TTBK1: variants seen among roughly 807,000 people sequenced by gnomAD.
TTBK1 encodes the protein tau tubulin kinase 1.
A neutral mutation model predicts 108.5 loss-of-function variants in TTBK1; 34 were observed. That is an observed-to-expected ratio of 0.31 (90% CI 0.24 to 0.42). TTBK1 has a LOEUF of 0.42. Among genes scored for constraint, TTBK1 ranks in the 10% least tolerant of loss-of-function variants. The probability of loss-of-function intolerance (pLI) is 1.00; values close to 1 mark genes in which losing one functional copy is unlikely to be tolerated. For missense variants in TTBK1, 1,539 were observed against 1,826.0 expected (o/e 0.84, Z 2.86); for synonymous variants, 809 against 795.1 (o/e 1.02, Z -0.29).
Position 43,265,529 on chromosome 6 carries a change from G to A in TTBK1, c.1986+2179G>A, listed in dbSNP as rs1777653884. On this transcript the variant is annotated intron_variant, in intron 13 of 14. Coordinates refer to ENST00000259750, the MANE Select transcript of TTBK1 (RefSeq NM_032538.3). This position sits in a 1 kb window ranked among gnomAD's most constrained non-coding sequence, Gnocchi z 4.1. ...CAGCCCTGGCAGACCTGGCAGTCAA[G>A]TGGGCTGGCACCATTGCGTTGTAAC... Among the ~76,000 whole-genome samples the A allele has an allele frequency of 6.6e-6, 1 of 152,230 alleles. No homozygotes were observed. The highest frequency in any genetic ancestry group is 2.1e-4 in the South Asian group (1 of 4,836).
At chr6:43,255,239 A>G in intron 7 of TTBK1, 125 bp downstream of exon 7, 2 of 902,364 alleles carry the variant, frequency 2.2e-6, no homozygotes, top group South Asian at 1.4e-5. Context: ...CACCCCAGAG[A>G]CCCTGGGCTG....
In TTBK1 at chr6:43,283,889, C is replaced by T. The variant is rs946548625; in HGVS notation, c.3149C>T (p.Ser1050Phe). ...CCCAGACGCCATGCTATGCCAGGCT[C>T]TCGCCCCAGGAGCCGTATCCCTGTC... ...ISPRRHAMPG[S>F]RPRSRIPVLL... The change falls in exon 14 of 15, where the codon TCT (serine) becomes TTT (phenylalanine). Residue 1050 changes from serine (S) to phenylalanine (F), a missense_variant. By Grantham distance (155) the Ser-to-Phe change is radical (BLOSUM62 -2). Coordinates refer to ENST00000259750, the MANE Select transcript of TTBK1 (RefSeq NM_032538.3). This position sits in a 1 kb window ranked among gnomAD's most constrained non-coding sequence, Gnocchi z 8.1. 2 of 1,611,612 alleles carry T rather than the reference C, an allele frequency of 1.2e-6. No homozygotes were observed. Among genetic ancestry groups the T allele is most frequent in the Non-Finnish European group, 1.7e-6 (2 of 1,178,514 alleles).
chr6:43,271,967 AG>A (rs1777846724), intron 13 of TTBK1: 1 of 979,120 alleles, frequency 1.0e-6, no homozygotes, highest in South Asian at 4.7e-5. Context: ...CACCCTGCTC[AG>A]GCAGTAGGCA....
In TTBK1 at chr6:43,282,261, G is replaced by C. The variant is rs1778184907; in HGVS notation, c.1987-466G>C. On this transcript the variant is annotated intron_variant, in intron 13 of 14. Coordinates refer to ENST00000259750, the MANE Select transcript of TTBK1 (RefSeq NM_032538.3). This position sits in a 1 kb window ranked among gnomAD's most constrained non-coding sequence, Gnocchi z 5.4. ...GAGCCAGCCCGGCACAGCCCATCCA[G>C]GAAGTGGCACAGATACTTGCCGCCG... 6.6e-6 allele frequency among the ~76,000 whole-genome samples: 1 copy of C among 152,238 alleles called. No individual in the cohort carries two copies. The highest frequency in any genetic ancestry group is 1.5e-5 in the Non-Finnish European group (1 of 68,048).
chr6:43,263,303 C>A lies in TTBK1; in HGVS notation c.1939C>A (p.Pro647Thr). The A allele has an allele frequency of 4.7e-6, 7 of 1,490,828 alleles. No individual in the cohort carries two copies. The highest frequency in any genetic ancestry group is 6.3e-6 in the Non-Finnish European group (7 of 1,117,396). 92.3% of individuals were successfully genotyped at this position (1,490,828 alleles called of 1,614,324 possible). A position where few individuals can be genotyped will look rare whatever the true frequency, so the allele number is the denominator to read the frequency against. Residue 647 changes from proline (P) to threonine (T), a missense_variant, in exon 13 of 15, where the codon CCC (proline) becomes ACC (threonine). This residue lies in a region of TTBK1 where 1,055 missense variants were observed against 1,086.5 expected (regional missense o/e 0.97). Coordinates refer to ENST00000259750, the MANE Select transcript of TTBK1 (RefSeq NM_032538.3). This position sits in a 1 kb window ranked among gnomAD's most constrained non-coding sequence, Gnocchi z 4.7. ...SPSHSPLHSGPRPRRRESDPT... is the reference protein window; with the variant it reads ...SPSHSPLHSGTRPRRRESDPT... ...TTCCCACTCACCCCTGCACTCGGGA[C>A]CCCGCCCTCGACGGAGAGAGTCGGA...
At chr6:43,255,931 C>T (rs1199470148) in intron 9 of TTBK1, 75 bp downstream of exon 9, 2 of 1,579,740 alleles carry the variant, frequency 1.3e-6, no homozygotes, top group Admixed American at 3.4e-5. Context: ...GACCTCGCTC[C>T]TGCTGAGGCT....
intron 1 of TTBK1, among the ~76,000 whole-genome samples, chr6:43,244,787 A>G (rs1361578999): frequency 6.6e-6 from 1 of 152,098 alleles, no homozygotes; most frequent in Admixed American, 6.6e-5. Flanking sequence ...CACCCAGTTT[A>G]GCTTCTGAAG....
Position 43,280,316 on chromosome 6 carries a change from G to A in TTBK1, c.1987-2411G>A, listed in dbSNP as rs150820183. On this transcript the variant is annotated intron_variant, in intron 13 of 14. Coordinates refer to ENST00000259750, the MANE Select transcript of TTBK1 (RefSeq NM_032538.3). ...TTTCCCCACACGCTATTCCCCATAG[G>A]TGTGGCATCCAGGCTTTTCTGGGGT... Among the ~76,000 whole-genome samples, 164 of 152,294 alleles carry A rather than the reference G, an allele frequency of 1.1e-3. 1 individual carries two copies. The highest frequency in any genetic ancestry group is 8.8e-3 in the Admixed American group (135 of 15,306).
rs561976040 is a variant in TTBK1 at position 43,263,307 on chromosome 6, G to A, written c.1943G>A (p.Arg648His). The A allele has an allele frequency of 5.4e-6, 8 of 1,484,938 alleles. No individual in the cohort carries two copies. The highest frequency in any genetic ancestry group is 2.8e-5 in the African/African-American group (2 of 70,946). 92.0% of individuals were successfully genotyped at this position (1,484,938 alleles called of 1,614,324 possible). A position where few individuals can be genotyped will look rare whatever the true frequency, so the allele number is the denominator to read the frequency against. Residue 648 changes from arginine to histidine, a missense_variant, in exon 13 of 15, where the codon CGC becomes CAC. Transcript: ENST00000259750. This position sits in a 1 kb window ranked among gnomAD's most constrained non-coding sequence, Gnocchi z 4.7. ...CACTCACCCCTGCACTCGGGACCCCGCCCTCGACGGAGAGAGTCGGACCCC... is the reference window on the plus strand; with the variant it reads ...CACTCACCCCTGCACTCGGGACCCCACCCTCGACGGAGAGAGTCGGACCCC... ...PSHSPLHSGP[R>H]PRRRESDPTG...
chr6:43,246,489 G>A (rs1777089033), intron 1 of TTBK1, 118 bp from the exon 2 acceptor site: 1 of 536,866 alleles, frequency 1.9e-6, no homozygotes, highest in African/African-American at 1.9e-5. Flanking sequence ...AACTCCTGGA[G>A]CATCTGTCCA....
chr6:43,269,811 G>A lies in TTBK1; in HGVS notation c.1986+6461G>A. The A allele has an allele frequency of 1.9e-6, 3 of 1,545,514 alleles. No individual in the cohort carries two copies. Among genetic ancestry groups the A allele is most frequent in the Non-Finnish European group, 2.6e-6 (3 of 1,151,314 alleles). On this transcript the variant is annotated intron_variant, in intron 13 of 14. Coordinates refer to ENST00000259750, the MANE Select transcript of TTBK1 (RefSeq NM_032538.3). The surrounding 1 kb of genome is among the most constrained non-coding windows in gnomAD (Gnocchi z 4.8). ...TTCCCTCATTCAGCGCAGCCGCTCGGCTGAGAGCAGCCCTGTGCGGGCGCC... is the reference window on the plus strand; with the variant it reads ...TTCCCTCATTCAGCGCAGCCGCTCGACTGAGAGCAGCCCTGTGCGGGCGCC...
rs542805943 is a variant in TTBK1 at position 43,283,485 on chromosome 6, C to T, written c.2745C>T (p.Gly915=). Residue 915 remains glycine, a synonymous_variant, in exon 14 of 15, where the codon GGC becomes GGT. Coordinates refer to ENST00000259750, the MANE Select transcript of TTBK1 (RefSeq NM_032538.3). The surrounding 1 kb of genome is among the most constrained non-coding windows in gnomAD (Gnocchi z 8.1). ...GAGTVTTGVG[G]VAVTSSPFTK... ...GGACAGTGACCACAGGGGTCGGGGG[C>T]GTGGCAGTCACCTCCTCACCCTTCA... 27 of 1,614,106 alleles carry T rather than the reference C, an allele frequency of 1.7e-5. No individual in the cohort carries two copies. Among genetic ancestry groups the T allele is most frequent in the South Asian group, 1.4e-4 (13 of 91,088 alleles).
intron 12 of TTBK1, among the ~76,000 whole-genome samples, chr6:43,260,342 C>T (rs1777506476): frequency 2.0e-5 from 3 of 152,210 alleles, no homozygotes; most frequent in Non-Finnish European, 2.9e-5. Flanking sequence ...GGTGGGACAA[C>T]ATCAGGTGGG....
rs1170374925 is a variant in TTBK1 at position 43,257,998 on chromosome 6, T to G, written c.1016+32T>G. 2 of 1,600,486 alleles carry G rather than the reference T, an allele frequency of 1.2e-6. No individual in the cohort carries two copies. The highest frequency in any genetic ancestry group is 1.7e-6 in the Non-Finnish European group (2 of 1,173,988). Reference sequence around the variant, plus strand: ...CTCAGGAAGGCGAGCCACCAGCCCCTGCCTGGAGCTGTTACCTAAGAGGGC... The same window carrying G: ...CTCAGGAAGGCGAGCCACCAGCCCCGGCCTGGAGCTGTTACCTAAGAGGGC... On this transcript the variant is annotated intron_variant, in intron 10 of 14. Coordinates refer to ENST00000259750, the MANE Select transcript of TTBK1 (RefSeq NM_032538.3). This position sits in a 1 kb window ranked among gnomAD's most constrained non-coding sequence, Gnocchi z 4.5.
In TTBK1 at chr6:43,243,799, CT is replaced by C. The variant is rs889290835; in HGVS notation, c.-55+93del. The C allele has an allele frequency of 6.6e-6, 1 of 152,408 alleles. No homozygotes were observed. The highest frequency in any genetic ancestry group is 1.5e-5 in the Non-Finnish European group (1 of 68,168). The allele number at this position is 152,408 out of a possible 1,614,324, so 9.4% of individuals were successfully genotyped here. ...CTGGCTCGCCTCCCAGCGCAGCCTT[CT>C]TGGGCTCCCCTCCGCGCTGCTGTCG... On this transcript the variant is annotated intron_variant, in intron 1 of 14. Coordinates refer to ENST00000259750, the MANE Select transcript of TTBK1 (RefSeq NM_032538.3). This position sits in a 1 kb window ranked among gnomAD's most constrained non-coding sequence, Gnocchi z 5.5.
intron 13 of TTBK1, among the ~76,000 whole-genome samples, chr6:43,279,758 T>TTGTTGTTG (rs1554187588): frequency 2.7e-5 from 4 of 150,886 alleles, no homozygotes; most frequent in Non-Finnish European, 4.4e-5. Flanking sequence ...GACAAAGTTT[T>TTGTTGTTG]TTGTTGTTGT....
rs527644853 is a variant in TTBK1, at chr6:43,283,573, G to A, written c.2833G>A (p.Gly945Ser). The A allele has an allele frequency of 7.8e-5, 126 of 1,614,172 alleles. 1 individual carries two copies. In the South Asian group the frequency reaches 8.1e-4, roughly 10 times the overall value. The change falls in exon 14 of 15, where the codon GGT becomes AGT. Residue 945 changes from glycine to serine, a missense_variant. Transcript: ENST00000259750. The surrounding 1 kb of genome is among the most constrained non-coding windows in gnomAD (Gnocchi z 8.1). ...EKTHLNVMSSGGQALRSEEFS... is the reference protein window; with the variant it reads ...EKTHLNVMSSSGQALRSEEFS... ...AACCCACCTCAACGTCATGTCTTCC[G>A]GTGGACAAGCCTTGCGGTCTGAGGA...
intron 1 of TTBK1, among the ~76,000 whole-genome samples, chr6:43,244,376 T>G (rs1227915950): frequency 6.6e-6 from 1 of 152,122 alleles, no homozygotes; most frequent in Non-Finnish European, 1.5e-5. Context: ...CATGATGAGC[T>G]CCCACCAGTT....
intron 2 of TTBK1, among the ~76,000 whole-genome samples, chr6:43,248,524 A>C (rs1284560763): frequency 2.0e-5 from 3 of 152,144 alleles, no homozygotes. Flanking sequence ...CGAGTTCGAG[A>C]CCAGGCTGGC....
Sources: gnomAD v4.1 joint callset for allele counts (sites outside exome capture counted in the v4.1 genomes callset) on GRCh38, gnomAD v4.1.1 for gene constraint, gnomAD v4.1.1 regional missense constraint, Gnocchi (gnomAD v3.1) non-coding constraint, MANE v1.5 for transcripts, NCBI Gene and HGNC (gene_info 2026-07-23, HGNC 2026-07-21) for gene names.